SCRN1: variants seen among roughly 807,000 people sequenced by gnomAD.
SCRN1 encodes the protein secernin 1.
A neutral mutation model predicts 43.3 loss-of-function variants in SCRN1; 19 were observed. The ratio of observed to expected loss-of-function variants is 0.44; its 90% CI spans 0.31 to 0.64. The LOEUF is 0.64. Ranked by LOEUF, SCRN1 falls within the 30% of genes least tolerant of loss-of-function variation. SCRN1 has a pLI of 0.09. For missense variants in SCRN1, 447 were observed against 524.1 expected, an observed-to-expected ratio of 0.85 and a Z score of 1.44; for synonymous variants, 183 against 188.9, an observed-to-expected ratio of 0.97 and a Z score of 0.26.
At chr7:29,981,816 G>A (rs1027292082) in intron 1 of SCRN1, among the ~76,000 whole-genome samples, 1 of 152,196 alleles carries the variant, frequency 6.6e-6, no homozygotes, top group African/African-American at 2.4e-5. Context: ...ATTCATGAAT[G>A]AGAGTATGTG....
Position 29,968,990 on chromosome 7 carries a change from T to C in SCRN1, c.78A>G (p.Lys26=). 6.2e-7 allele frequency: 1 copy of C among 1,614,056 alleles called. No homozygotes were observed. Among genetic ancestry groups the C allele is most frequent in the Non-Finnish European group, 8.5e-7 (1 of 1,180,010 alleles). The part of the protein sequence containing the change: ...RAKDGLVVFG[K]NSARPRDEVQ... ...CTTCATCTCTGGGCCGGGCTGAATT[T>C]TTCCCAAATACCACCAGACCATCCT... Residue 26 remains lysine, a synonymous_variant, in exon 2 of 8, where the codon AAA becomes AAG. Coordinates refer to ENST00000242059, the MANE Select transcript of SCRN1 (RefSeq NM_014766.5).
At chr7:29,955,123 T>C in intron 3 of SCRN1, 56 bp downstream of exon 3, 1 of 1,479,704 alleles carries the variant, frequency 6.8e-7, no homozygotes, top group Non-Finnish European at 9.3e-7. Context: ...AAATAAATCC[T>C]GTCCCCATTT....
intron 2 of SCRN1, 42 bp downstream of exon 2, chr7:29,968,867 G>A (rs1345332824): frequency 3.1e-6 from 5 of 1,611,502 alleles, no homozygotes; most frequent in Non-Finnish European, 4.2e-6. Context: ...CAAAGCCAGA[G>A]AAAAGAGAGT....
At chr7:29,940,584 T>G in intron 5 of SCRN1, 98 bp downstream of exon 5, 2 of 1,155,702 alleles carry the variant, frequency 1.7e-6, no homozygotes, top group Non-Finnish European at 2.5e-6. Context: ...TATTCTGTAT[T>G]CCTTTTTGTT....
In SCRN1 at chr7:29,926,498, A is replaced by ACTCGTGG; in HGVS notation, c.1039_1040insCCACGAG (p.Leu347ProfsTer17). The stretch of plus-strand genomic sequence containing the variant: ...ACGTGCCCACTCGTGGGCTTTGTAC[A>ACTCGTGG]GCTCATGCCGGCGGTCTGGTTTCTC... On this transcript the variant is annotated frameshift_variant, in exon 7 of 8. Coordinates refer to ENST00000242059, the MANE Select transcript of SCRN1 (RefSeq NM_014766.5). LOFTEE classifies it high-confidence loss of function. 1 of 1,614,066 alleles carries ACTCGTGG rather than the reference A, an allele frequency of 6.2e-7. No individual in the cohort carries two copies. The highest frequency in any genetic ancestry group is 8.5e-7 in the Non-Finnish European group (1 of 1,180,036).
intron 3 of SCRN1, among the ~76,000 whole-genome samples, chr7:29,952,551 G>A (rs1031924975): frequency 1.3e-5 from 2 of 152,016 alleles, no homozygotes; most frequent in Admixed American, 1.3e-4. Flanking sequence ...TTAGCTGGGT[G>A]TGGTGGCATA....
intron 6 of SCRN1, among the ~76,000 whole-genome samples, chr7:29,930,305 C>T (rs1000182312): frequency 1.3e-5 from 2 of 152,164 alleles, no homozygotes; most frequent in Non-Finnish European, 2.9e-5. Flanking sequence ...CAGGTTTCAT[C>T]ATTTGTGTCT....
chr7:29,964,253 T>C (rs1788417728), intron 2 of SCRN1, among the ~76,000 whole-genome samples: 1 of 152,206 alleles, frequency 6.6e-6, no homozygotes, highest in African/African-American at 2.4e-5. Flanking sequence ...TGCCAAACTT[T>C]AGAATCAACT....
At chr7:29,933,159 C>T (rs552221410) in intron 6 of SCRN1, among the ~76,000 whole-genome samples, 1 of 152,160 alleles carries the variant, frequency 6.6e-6, no homozygotes, top group South Asian at 2.1e-4. Context: ...GGATTACAGG[C>T]GTGAGCGGCC....
intron 2 of SCRN1, among the ~76,000 whole-genome samples, chr7:29,955,843 A>G (rs1440796968): frequency 6.6e-6 from 1 of 152,198 alleles, no homozygotes; most frequent in Non-Finnish European, 1.5e-5. Context: ...CAGTTTGATA[A>G]CCTACATGGT....
rs959301507 is a variant in SCRN1, at chr7:29,921,683, G to C, written c.*2274C>G. 6.6e-6 allele frequency: 1 copy of C among 152,196 alleles called. No individual in the cohort carries two copies. Among genetic ancestry groups the C allele is most frequent in the East Asian group, 1.9e-4 (1 of 5,194 alleles). The allele number at this position is 152,196 out of a possible 1,614,324, so 9.4% of individuals were successfully genotyped here. A position where few individuals can be genotyped will look rare whatever the true frequency, so the allele number is the denominator to read the frequency against. On this transcript the variant is annotated 3_prime_UTR_variant, in exon 8 of 8. Transcript: ENST00000242059. ...ATTAGCCAAGACAGCTCTCAATTAG[G>C]GTTGCCTTCTTTAAGATGCTTGACC...
At chr7:29,960,470 GA>G (rs1406170621) in intron 2 of SCRN1, among the ~76,000 whole-genome samples, 4 of 152,088 alleles carry the variant, frequency 2.6e-5, no homozygotes, top group African/African-American at 9.6e-5. Flanking sequence ...TATTACCAAA[GA>G]AAGACTCTTT....
chr7:29,924,520 T>TCGACGTGCA (rs1258828075), intron 7 of SCRN1, among the ~76,000 whole-genome samples: 1 of 152,194 alleles, frequency 6.6e-6, no homozygotes, highest in African/African-American at 2.4e-5. Context: ...CAGCGCTTGG[T>TCGACGTGCA]CGACGTGCAC....
In SCRN1 at chr7:29,924,152, A is replaced by G. The variant is rs200172241; in HGVS notation, c.1087-37T>C. ...CACGACTGCTTTAGGTGTCAGCAAA[A>G]TAGCAGGGGACATTGCAGCGGACAC... On this transcript the variant is annotated intron_variant, in intron 7 of 7. Transcript: ENST00000242059. The G allele has an allele frequency of 4.2e-5, 67 of 1,585,536 alleles. No individual in the cohort carries two copies. In the East Asian group the frequency reaches 1.4e-3, roughly 33 times the overall value.
At chr7:29,958,497 CAA>C (rs1788206606) in intron 2 of SCRN1, among the ~76,000 whole-genome samples, 1 of 152,180 alleles carries the variant, frequency 6.6e-6, no homozygotes, top group African/African-American at 2.4e-5. Context: ...TTTGAGGAAG[CAA>C]AAGAGGTTTC....
intron 3 of SCRN1, among the ~76,000 whole-genome samples, chr7:29,946,883 C>T (rs1362136672): frequency 1.3e-5 from 2 of 152,244 alleles, no homozygotes; most frequent in Admixed American, 6.5e-5. Context: ...AGATGAATCC[C>T]ATGTCACTGG....
intron 1 of SCRN1, chr7:29,988,658 A>ACACG (rs1436988090): frequency 4.6e-5 from 7 of 152,374 alleles, no homozygotes; most frequent in Non-Finnish European, 7.3e-5. Context: ...GCGCACACAC[A>ACACG]CACGCACGCA....
chr7:29,983,952 TC>T, intron 1 of SCRN1, among the ~76,000 whole-genome samples: 1 of 152,290 alleles, frequency 6.6e-6, no homozygotes, highest in East Asian at 1.9e-4. Context: ...ATGCCTGTAA[TC>T]CCAGCACTTT....
intron 1 of SCRN1, chr7:29,988,724 TCAGA>T (rs1206987304): frequency 1.3e-5 from 2 of 152,368 alleles, no homozygotes; most frequent in African/African-American, 4.8e-5. Context: ...CATGCTAGAA[TCAGA>T]CAGAAAATCC....
Sources: allele counts gnomAD v4.1 joint callset (sites outside exome capture counted in the v4.1 genomes callset), GRCh38; gene constraint gnomAD v4.1.1; transcripts MANE v1.5; gene names NCBI Gene and HGNC (gene_info 2026-07-23, HGNC 2026-07-21).